The following ROBO1 variants were observed in gnomAD, a reference collection of about 807,000 sequenced individuals.
ROBO1 encodes the protein roundabout guidance receptor 1.
In ROBO1, 149 loss-of-function variants were observed where a neutral mutation model predicts 195.9. The observed-to-expected ratio is 0.76, with a 90% CI of 0.67 to 0.87. ROBO1 has a LOEUF of 0.87. ROBO1 is among the 40% of genes least tolerant of loss of function. The pLI is 0.00. For synonymous variants in ROBO1, 816 were observed against 733.2 expected (o/e 1.11, Z -1.82); for missense variants, 1,933 against 2,068.3 (o/e 0.93, Z 1.27).
At chr3:78,964,390 G>A (rs565962611) in intron 3 of ROBO1, among the ~76,000 whole-genome samples, 1 of 152,232 alleles carries the variant, frequency 6.6e-6, no homozygotes, top group East Asian at 1.9e-4. Context: ...GTGTACAGGG[G>A]CAGAAAGGGA....
At position 79,201,027 on chromosome 3, in the gene ROBO1, A is replaced by G. The variant is rs370522205; in HGVS notation, c.89-75488T>C. Among the ~76,000 whole-genome samples, 5 of 152,054 alleles carry G rather than the reference A, an allele frequency of 3.3e-5. No homozygotes were observed. In the East Asian group the frequency reaches 7.7e-4, roughly 24 times the overall value. On this transcript the variant is annotated intron_variant, in intron 2 of 30. Coordinates refer to ENST00000464233, the MANE Select transcript of ROBO1 (RefSeq NM_002941.4). ...CCGGATCCTGTAGGAAATATTTTAC[A>G]TTGAATATATGTCTAATTCCTACAT...
At chr3:79,449,459 A>G (rs536651633) in intron 2 of ROBO1, among the ~76,000 whole-genome samples, 23 of 152,212 alleles carry the variant, frequency 1.5e-4, no homozygotes, top group African/African-American at 5.5e-4. Flanking sequence ...GAGCTTATTA[A>G]AAAAGAATAT....
intron 8 of ROBO1, among the ~76,000 whole-genome samples, chr3:78,703,941 C>T (rs1249318264): frequency 1.3e-5 from 2 of 152,012 alleles, no homozygotes; most frequent in Non-Finnish European, 2.9e-5. Flanking sequence ...CCTAAAGATC[C>T]AGTTTGCTAT....
chr3:78,952,226 T>C (rs1474792005), intron 3 of ROBO1, among the ~76,000 whole-genome samples: 1 of 151,368 alleles, frequency 6.6e-6, no homozygotes, highest in African/African-American at 2.4e-5. Flanking sequence ...AGCACAAAAA[T>C]TCTTATAAAA....
intron 2 of ROBO1, among the ~76,000 whole-genome samples, chr3:79,238,255 A>G (rs575248129): frequency 3.9e-5 from 6 of 152,194 alleles, no homozygotes; most frequent in Non-Finnish European, 8.8e-5. Context: ...TTTAATCATT[A>G]CCTGATGAGA....
At position 78,838,181 on chromosome 3, in the gene ROBO1, C is replaced by T. The variant is rs2032901274; in HGVS notation, c.500-91281G>A. On this transcript the variant is annotated intron_variant, in intron 4 of 30. Transcript: ENST00000464233. ...GATTGATAAGAACTTACAAGTTAAC[C>T]TTTCTATGCCTCTTTTTCAGTGATT... 2.6e-5 allele frequency among the ~76,000 whole-genome samples: 4 copies of T among 152,106 alleles called. No individual in the cohort carries two copies. The South Asian group carries it at 8.3e-4, about 31-fold the overall frequency.
At chr3:79,052,627 G>C (rs1191029522) in intron 3 of ROBO1, among the ~76,000 whole-genome samples, 2 of 152,084 alleles carry the variant, frequency 1.3e-5, no homozygotes, top group Non-Finnish European at 2.9e-5. Flanking sequence ...CACCCCCAGA[G>C]ACCCAGCTGT....
Position 78,956,812 on chromosome 3 carries a change from A to G in ROBO1, c.173-17885T>C, listed in dbSNP as rs1292538929. ...CCTTCCTGTAAGCAATTGGCTATACAAGGCTCTTGGCCCATTCATGGCTGG... is the reference window on the plus strand; with the variant it reads ...CCTTCCTGTAAGCAATTGGCTATACGAGGCTCTTGGCCCATTCATGGCTGG... On this transcript the variant is annotated intron_variant, in intron 3 of 30. Coordinates refer to ENST00000464233, the MANE Select transcript of ROBO1 (RefSeq NM_002941.4). Among the ~76,000 whole-genome samples the G allele has an allele frequency of 3.9e-5, 6 of 152,348 alleles. No individual in the cohort carries two copies. In the East Asian group the frequency reaches 9.7e-4, roughly 25 times the overall value.
intron 4 of ROBO1, among the ~76,000 whole-genome samples, chr3:78,804,718 C>T (rs2084477221): frequency 8.4e-6 from 1 of 118,546 alleles, no homozygotes; most frequent in South Asian, 2.9e-4. Context: ...TGAGTCAACT[C>T]ACTGGAGCAA....
chr3:79,619,909 C>T (rs1453799363), intron 1 of ROBO1, among the ~76,000 whole-genome samples: 3 of 152,180 alleles, frequency 2.0e-5, no homozygotes, highest in Admixed American at 6.5e-5. Flanking sequence ...ATTAACCTCG[C>T]CTTCAAGGTG....
chr3:79,737,046 G>C (rs1204911404), intron 1 of ROBO1, among the ~76,000 whole-genome samples: 1 of 152,098 alleles, frequency 6.6e-6, no homozygotes. Flanking sequence ...GGCTCTTACA[G>C]TACATCCAGG....
intron 28 of ROBO1, 59 bp downstream of exon 28, chr3:78,614,589 G>C: frequency 6.3e-7 from 1 of 1,576,004 alleles, no homozygotes; most frequent in Non-Finnish European, 8.7e-7. Context: ...GCTAGTCCTA[G>C]AGAGGCAGGG....
chr3:78,617,609 G>T, intron 27 of ROBO1, 26 bp downstream of exon 27: 5 of 1,567,348 alleles, frequency 3.2e-6, no homozygotes, highest in Non-Finnish European at 4.3e-6. Flanking sequence ...TTCTTTCCCA[G>T]CTTGGTGAAA....
chr3:79,029,560 C>T (rs2078257944), intron 3 of ROBO1, among the ~76,000 whole-genome samples: 1 of 152,128 alleles, frequency 6.6e-6, no homozygotes, highest in African/African-American at 2.4e-5. Flanking sequence ...ATAATAGTAA[C>T]TTAAAAGTTG....
chr3:79,422,942 A>C (rs937863971), intron 2 of ROBO1, among the ~76,000 whole-genome samples: 12 of 151,904 alleles, frequency 7.9e-5, no homozygotes, highest in African/African-American at 2.7e-4. Context: ...CTGCAGTGCA[A>C]CCCATCTTTT....
At chr3:79,061,975 G>A (rs951301928) in intron 3 of ROBO1, among the ~76,000 whole-genome samples, 1 of 151,818 alleles carries the variant, frequency 6.6e-6, no homozygotes, top group African/African-American at 2.4e-5. Context: ...AAAAGTAATG[G>A]CAACAAAAGC....
At chr3:78,774,185 T>A (rs1387084959) in intron 4 of ROBO1, among the ~76,000 whole-genome samples, 1 of 152,200 alleles carries the variant, frequency 6.6e-6, no homozygotes, top group Non-Finnish European at 1.5e-5. Context: ...TAAACTGCAA[T>A]AATCTAAAAT....
At chr3:79,766,230 C>A (rs1057384107) in intron 1 of ROBO1, among the ~76,000 whole-genome samples, 1 of 151,946 alleles carries the variant, frequency 6.6e-6, no homozygotes, top group Non-Finnish European at 1.5e-5. Flanking sequence ...AAAAGCCTGA[C>A]CATTGACCAT....
chr3:78,714,503 A>G lies in ROBO1; in HGVS notation c.939T>C (p.His313=), dbSNP rs1023902909. ...CTGTCACCTTCCTAATTTTCAAGGT[A>G]TGATCATCTCGGATTTCATATCTAA... ...PKSRYEIRDD[H]TLKIRKVTAG... is the part of the protein sequence containing the mutation. The change falls in exon 8 of 31, where the codon CAT becomes CAC. Residue 313 remains histidine, a synonymous_variant. Transcript: ENST00000464233. 6.2e-7 allele frequency: 1 copy of G among 1,611,772 alleles called. No individual in the cohort carries two copies. The highest frequency in any genetic ancestry group is 1.3e-5 in the African/African-American group (1 of 74,866).
Sources: gnomAD v4.1 joint callset for allele counts (sites outside exome capture counted in the v4.1 genomes callset) on GRCh38, gnomAD v4.1.1 for gene constraint, MANE v1.5 for transcripts, NCBI Gene and HGNC (gene_info 2026-07-23, HGNC 2026-07-21) for gene names.